The following DSCAM variants were observed in gnomAD, a reference collection of about 807,000 sequenced individuals.
DSCAM encodes the protein DS cell adhesion molecule.
Under a neutral mutation model 217.7 loss-of-function variants are expected in DSCAM, and 47 were observed. That is an observed-to-expected ratio of 0.22 (90% CI 0.17 to 0.28). The LOEUF is 0.28. Among genes scored for constraint, DSCAM ranks in the 10% least tolerant of loss-of-function variants. The pLI, the probability that DSCAM is intolerant of heterozygous loss-of-function variation, is 1.00. For missense variants in DSCAM, 2,080 were observed against 2,618.3 expected, an observed-to-expected ratio of 0.79 and a Z score of 4.49; for synonymous variants, 1,056 against 1,015.3, an observed-to-expected ratio of 1.04 and a Z score of -0.76.
chr21:40,642,530 A>G (rs1460060434), intron 3 of DSCAM, among the ~76,000 whole-genome samples: 1 of 152,270 alleles, frequency 6.6e-6, no homozygotes, highest in Non-Finnish European at 1.5e-5. Flanking sequence ...GAGGTGAGGA[A>G]TGAAGTCCAG....
intron 10 of DSCAM, among the ~76,000 whole-genome samples, chr21:40,280,671 C>T (rs965165120): frequency 7.2e-5 from 11 of 152,088 alleles, no homozygotes; most frequent in Non-Finnish European, 1.2e-4. Context: ...AGAGAGATTA[C>T]GGACTTTCTA....
At chr21:40,422,017 T>C (rs1812685714) in intron 3 of DSCAM, among the ~76,000 whole-genome samples, 1 of 152,236 alleles carries the variant, frequency 6.6e-6, no homozygotes. Flanking sequence ...GAATGCCTCA[T>C]TGACACAACT....
intron 1 of DSCAM, among the ~76,000 whole-genome samples, chr21:40,729,791 T>G (rs1424549595): frequency 6.6e-6 from 1 of 152,204 alleles, no homozygotes; most frequent in Non-Finnish European, 1.5e-5. Flanking sequence ...TCCAAAGACA[T>G]CCTCTAGGCC....
At chr21:40,217,712 G>T (rs892283235) in intron 11 of DSCAM, among the ~76,000 whole-genome samples, 17 of 152,138 alleles carry the variant, frequency 1.1e-4, no homozygotes, top group Non-Finnish European at 2.1e-4. Context: ...CATTCTGACT[G>T]GTGTGAGATG....
rs1453613615 is a variant in DSCAM, at chr21:40,493,875, A to ATAT, written c.509-124631_509-124630insATA. ...CAAAACTCCATCTCAAAAAAAAAAA[A>ATAT]AAAAATATATACATATATATACATA... On this transcript the variant is annotated intron_variant, in intron 3 of 32. Transcript: ENST00000400454. 1.2e-4 allele frequency among the ~76,000 whole-genome samples: 16 copies of ATAT among 135,142 alleles called. No individual in the cohort carries two copies. In the South Asian group the frequency reaches 3.4e-3, roughly 29 times the overall value. 88.7% of individuals were successfully genotyped at this position (135,142 alleles called of 152,430 possible).
intron 3 of DSCAM, among the ~76,000 whole-genome samples, chr21:40,568,855 G>A (rs1291629001): frequency 2.6e-5 from 4 of 152,082 alleles, no homozygotes; most frequent in South Asian, 4.1e-4. Flanking sequence ...TGGAAGAAGG[G>A]GGTCCTCCTT....
At chr21:40,740,482 T>G (rs889472032) in intron 1 of DSCAM, among the ~76,000 whole-genome samples, 2 of 152,226 alleles carry the variant, frequency 1.3e-5, no homozygotes, top group Admixed American at 6.5e-5. Context: ...AAAAAGCTCT[T>G]CTTTAAAATT....
intron 1 of DSCAM, among the ~76,000 whole-genome samples, chr21:40,824,499 TTCCAGGCTCAAGCAATTC>T (rs2091953059): frequency 6.7e-6 from 1 of 149,742 alleles, no homozygotes; most frequent in Non-Finnish European, 1.5e-5. Flanking sequence ...AACCTCAACC[TTCCAGGCTCAAGCAATTC>T]TCCCACCTCA....
In DSCAM at chr21:40,167,253, G is replaced by A. The variant is rs749463234; in HGVS notation, c.2983C>T (p.Pro995Ser). 9.3e-6 allele frequency: 15 copies of A among 1,613,902 alleles called. No homozygotes were observed. The East Asian group carries it at 3.1e-4, about 34-fold the overall frequency. The change falls in exon 16 of 33, where the codon CCT (proline) becomes TCT (serine). Residue 995 changes from proline to serine, a missense_variant. Transcript: ENST00000400454. The part of the protein sequence containing the change: ...DGPPQEVHLE[P>S]ISSQSIRVTW... Reference sequence around the variant, plus strand: ...ACCCTGATGCTCTGAGATGATATAGGCTCCAGGTGAACTTCCTGAGGTGGA... The same window carrying A: ...ACCCTGATGCTCTGAGATGATATAGACTCCAGGTGAACTTCCTGAGGTGGA...
At chr21:40,260,173 G>T (rs1161966227) in intron 11 of DSCAM, among the ~76,000 whole-genome samples, 1 of 152,202 alleles carries the variant, frequency 6.6e-6, no homozygotes, top group East Asian at 1.9e-4. Context: ...TCTTTGGAAT[G>T]AGAAGATCCT....
chr21:40,419,737 G>A (rs2075405220), intron 3 of DSCAM, among the ~76,000 whole-genome samples: 1 of 152,038 alleles, frequency 6.6e-6, no homozygotes, highest in Admixed American at 6.6e-5. Context: ...GATATGATAT[G>A]GTCATGAAAC....
At chr21:40,754,807 G>T (rs752002019) in intron 1 of DSCAM, among the ~76,000 whole-genome samples, 11 of 151,540 alleles carry the variant, frequency 7.3e-5, no homozygotes, top group Non-Finnish European at 1.5e-4. Context: ...CTTCACACAC[G>T]GAGTTGATGG....
Position 40,636,747 on chromosome 21 carries a change from G to A in DSCAM, c.508+56063C>T, listed in dbSNP as rs1247024646. 6.1e-5 allele frequency among the ~76,000 whole-genome samples: 9 copies of A among 147,764 alleles called. No homozygotes were observed. The South Asian group carries it at 8.7e-4, about 14-fold the overall frequency. ...CCACGCTAGTCTGAGGATTTTGGCC[G>A]GGGGTCTCATGACTTTTTTTTTTTT... is the stretch of plus-strand genomic sequence containing the variant. On this transcript the variant is annotated intron_variant, in intron 3 of 32. Transcript: ENST00000400454.
At chr21:40,579,241 A>G (rs2076883219) in intron 3 of DSCAM, among the ~76,000 whole-genome samples, 1 of 150,356 alleles carries the variant, frequency 6.7e-6, no homozygotes, top group Non-Finnish European at 1.5e-5. Flanking sequence ...TAATTAAATT[A>G]TAATAAATTA....
At chr21:40,391,003 T>C (rs1258694391) in intron 3 of DSCAM, among the ~76,000 whole-genome samples, 1 of 152,190 alleles carries the variant, frequency 6.6e-6, no homozygotes, top group Non-Finnish European at 1.5e-5. Context: ...GTATCTATGG[T>C]TCTTTGCAAG....
At chr21:40,131,007 C>T (rs548852835) in intron 19 of DSCAM, among the ~76,000 whole-genome samples, 19 of 152,250 alleles carry the variant, frequency 1.2e-4, no homozygotes, top group African/African-American at 3.6e-4. Flanking sequence ...CGTTGATAAA[C>T]GCTGAAACTT....
chr21:40,527,408 G>A (rs2076408969), intron 3 of DSCAM, among the ~76,000 whole-genome samples: 1 of 152,156 alleles, frequency 6.6e-6, no homozygotes. Context: ...CTAAGCTTCT[G>A]CACACTCTCT....
intron 1 of DSCAM, among the ~76,000 whole-genome samples, chr21:40,796,563 T>C (rs2091693785): frequency 6.6e-6 from 1 of 152,220 alleles, no homozygotes; most frequent in African/African-American, 2.4e-5. Flanking sequence ...TGCACTATTA[T>C]GAGACAAGGT....
At chr21:40,261,652 T>TACACACAC (rs71186922) in intron 11 of DSCAM, among the ~76,000 whole-genome samples, 189 of 133,510 alleles carry the variant, frequency 1.4e-3, no homozygotes, top group African/African-American at 5.7e-3. Context: ...TCTCTCTCTC[T>TACACACAC]ACACACACAC....
Sources: gnomAD v4.1 joint callset for allele counts (sites outside exome capture counted in the v4.1 genomes callset) on GRCh38, gnomAD v4.1.1 for gene constraint, MANE v1.5 for transcripts, NCBI Gene and HGNC (gene_info 2026-07-23, HGNC 2026-07-21) for gene names.